MDN1: variants seen among roughly 807,000 people sequenced by gnomAD.
MDN1 encodes midasin.
In MDN1, 266 loss-of-function variants were observed where a neutral mutation model predicts 669.2. The ratio of observed to expected loss-of-function variants is 0.40; its 90% CI spans 0.36 to 0.44. The LOEUF (loss-of-function observed/expected upper bound fraction) is 0.44, where lower values mean the gene tolerates loss of function less well. Among genes scored for constraint, MDN1 ranks in the 20% least tolerant of loss-of-function variants. The pLI, the probability that MDN1 is intolerant of heterozygous loss-of-function variation, is 1.00. For synonymous variants in MDN1, 2,385 were observed against 2,457.1 expected (o/e 0.97, Z 0.87); for missense variants, 5,940 against 6,754.0 (o/e 0.88, Z 4.22).
At position 89,652,986 on chromosome 6, in the gene MDN1, T is replaced by C; in HGVS notation, c.15825+6A>G. The C allele has an allele frequency of 6.2e-7, 1 of 1,611,292 alleles. No homozygotes were observed. Among genetic ancestry groups the C allele is most frequent in the Non-Finnish European group, 8.5e-7 (1 of 1,179,270 alleles). On this transcript the variant is annotated splice_donor_region_variant and intron_variant, in intron 94 of 101. Transcript: ENST00000369393. ...TATTAATGCAGTAATTTGTGAGTTT[T>C]ACTACCTGGAAGATCGTGTCCATGA... is the stretch of plus-strand genomic sequence containing the variant.
intron 84 of MDN1, among the ~76,000 whole-genome samples, chr6:89,664,886 T>C (rs1167096523): frequency 2.6e-5 from 4 of 152,224 alleles, no homozygotes; most frequent in African/African-American, 7.2e-5. Context: ...TGCAAGAATA[T>C]ATATTCTTTG....
chr6:89,718,396 T>C lies in MDN1; in HGVS notation c.6553A>G (p.Asn2185Asp), dbSNP rs1814562609. Residue 2185 changes from asparagine to aspartate, a missense_variant, in exon 43 of 102, where the codon AAC becomes GAC. Around this residue, in one of 5 missense-constraint regions of MDN1, gnomAD observed 2,292 missense variants for 2,638.3 expected, o/e 0.87. Coordinates refer to ENST00000369393, the MANE Select transcript of MDN1 (RefSeq NM_014611.3). ...EAVLLLMQRL[N>D]NKINSYCKAE... The stretch of plus-strand genomic sequence containing the variant: ...TTGCAGTATGAGTTGATTTTATTGT[T>C]GAGTCGCTGCATAAGCAATAACACT... 1 of 1,613,940 alleles carries C rather than the reference T, an allele frequency of 6.2e-7. No homozygotes were observed. Among genetic ancestry groups the C allele is most frequent in the African/African-American group, 1.3e-5 (1 of 74,954 alleles).
At chr6:89,736,599 T>C (rs1815988465) in intron 33 of MDN1, among the ~76,000 whole-genome samples, 1 of 147,504 alleles carries the variant, frequency 6.8e-6, no homozygotes, top group Non-Finnish European at 1.5e-5. Flanking sequence ...CAGACTAGCC[T>C]GAGCAACATG....
intron 40 of MDN1, among the ~76,000 whole-genome samples, 174 bp downstream of exon 40, chr6:89,722,781 A>T (rs1365098802): frequency 6.6e-6 from 1 of 151,822 alleles, no homozygotes; most frequent in Non-Finnish European, 1.5e-5. Context: ...TGGGAGGTGA[A>T]GCTGCAGCAA....
intron 15 of MDN1, among the ~76,000 whole-genome samples, chr6:89,765,992 C>T (rs1449648960): frequency 6.6e-6 from 1 of 152,104 alleles, no homozygotes; most frequent in Non-Finnish European, 1.5e-5. Context: ...AGACTGAGTT[C>T]CTTAAAGAAA....
In MDN1 at chr6:89,678,725, T is replaced by C. The variant is rs142315697; in HGVS notation, c.12286A>G (p.Ser4096Gly). 1.3e-4 allele frequency: 204 copies of C among 1,612,420 alleles called. No individual in the cohort carries two copies. Among genetic ancestry groups the C allele is most frequent in the Non-Finnish European group, 1.6e-4 (184 of 1,179,428 alleles). ...QFTGEVISSV[S>G]ELQSLKVEPS... ...TCCACCTTTAAGCTCTGCAGCTCACTCACAGAGGAAATCACTTCACCTGTA... is the reference window on the plus strand; with the variant it reads ...TCCACCTTTAAGCTCTGCAGCTCACCCACAGAGGAAATCACTTCACCTGTA... The change falls in exon 75 of 102, where the codon AGT (serine) becomes GGT (glycine). Residue 4096 changes from serine to glycine, a missense_variant. Physicochemically the swap from Ser to Gly is moderately conservative, Grantham distance 56 (BLOSUM62 0). This residue lies in a region of MDN1 where 2,280 missense variants were observed against 2,576.3 expected (regional missense o/e 0.88). Transcript: ENST00000369393.
At chr6:89,729,608 C>G (rs1051526227) in intron 35 of MDN1, among the ~76,000 whole-genome samples, 6 of 150,452 alleles carry the variant, frequency 4.0e-5, no homozygotes, top group African/African-American at 7.3e-5. Context: ...ATATGCAGGA[C>G]TAATAACAGT....
chr6:89,817,515 A>G (rs1001467365), intron 1 of MDN1, among the ~76,000 whole-genome samples: 2 of 152,186 alleles, frequency 1.3e-5, no homozygotes. Context: ...AAAGTCAGAA[A>G]AGTCTTCCTG....
At chr6:89,648,006 G>C in intron 99 of MDN1, 26 bp downstream of exon 99, 2 of 1,527,056 alleles carry the variant, frequency 1.3e-6, no homozygotes, top group Non-Finnish European at 1.8e-6. Flanking sequence ...TAACTGTGCA[G>C]AAGACATTTT....
At chr6:89,788,407 A>T (rs759529755) in intron 7 of MDN1, among the ~76,000 whole-genome samples, 1 of 152,352 alleles carries the variant, frequency 6.6e-6, no homozygotes, top group South Asian at 2.1e-4. Context: ...AAGAAGAATG[A>T]GCAGAAATTA....
rs1257174167 is a variant in MDN1 at position 89,694,120 on chromosome 6, C to G, written c.9835G>C (p.Asp3279His). The G allele has an allele frequency of 3.1e-6, 5 of 1,614,236 alleles. No individual in the cohort carries two copies. Among genetic ancestry groups the G allele is most frequent in the Non-Finnish European group, 3.4e-6 (4 of 1,180,044 alleles). ...NLSSQLQTGRDLEDEVVVSYS... is the reference protein window; with the variant it reads ...NLSSQLQTGRHLEDEVVVSYS... ...CTGACAACGACTTCATCTTCCAGGT[C>G]TCTTCCAGTCTGCAGCTGGGATGAC... The change falls in exon 62 of 102, where the codon GAC becomes CAC. Residue 3279 changes from aspartate to histidine, a missense_variant. Transcript: ENST00000369393.
Position 89,658,807 on chromosome 6 carries a change from C to G in MDN1, c.14824G>C (p.Glu4942Gln), listed in dbSNP as rs751263423. The G allele has an allele frequency of 6.2e-7, 1 of 1,614,180 alleles. No individual in the cohort carries two copies. Among genetic ancestry groups the G allele is most frequent in the Non-Finnish European group, 8.5e-7 (1 of 1,180,038 alleles). Residue 4942 changes from glutamate (E) to glutamine (Q), a missense_variant, in exon 89 of 102, where the codon GAG becomes CAG. Physicochemically the swap from Glu to Gln is conservative, Grantham distance 29. Around this residue, in one of 5 missense-constraint regions of MDN1, gnomAD observed 2,280 missense variants for 2,576.3 expected, o/e 0.88. Coordinates refer to ENST00000369393, the MANE Select transcript of MDN1 (RefSeq NM_014611.3). Reference protein sequence around the residue: ...QNESQSPQEPEEGPSEDDKAE... With the variant: ...QNESQSPQEPQEGPSEDDKAE... ...TTGTCATCTTCACTGGGGCCTTCCT[C>G]AGGCTCCTGTGGACTCTGACTTTCG... is the stretch of plus-strand genomic sequence containing the variant.
chr6:89,785,759 A>T (rs1038688546), intron 8 of MDN1, among the ~76,000 whole-genome samples: 1 of 152,226 alleles, frequency 6.6e-6, no homozygotes, highest in African/African-American at 2.4e-5. Context: ...TTATCAGATC[A>T]CAAGTTTGTC....
intron 42 of MDN1, 38 bp from the exon 43 acceptor site, chr6:89,718,665 A>G (rs367761417): frequency 2.2e-4 from 360 of 1,609,232 alleles, no homozygotes; most frequent in Middle Eastern, 3.3e-4. Flanking sequence ...TCATAGGGTC[A>G]GAGAATACTG....
intron 92 of MDN1, 33 bp from the exon 93 acceptor site, chr6:89,654,367 T>C: frequency 6.2e-7 from 1 of 1,612,054 alleles, no homozygotes; most frequent in Non-Finnish European, 8.5e-7. Flanking sequence ...CACATAAAAA[T>C]CCTAGGTCTT....
chr6:89,715,760 C>A lies in MDN1; in HGVS notation c.6753G>T (p.Val2251=). Residue 2251 remains valine (V), a synonymous_variant, in exon 45 of 102, where the codon GTG becomes GTT. Transcript: ENST00000369393. The part of the protein sequence containing the change: ...MDNVNFCNPS[V]LDRLNALLEP... ...CAAGCAAAGCATTCAAACGATCCAA[C>A]ACTGATGGGCTGCAGAGACAGAATT... 6.2e-7 allele frequency: 1 copy of A among 1,607,092 alleles called. No individual in the cohort carries two copies. Among genetic ancestry groups the A allele is most frequent in the East Asian group, 2.2e-5 (1 of 44,828 alleles).
intron 66 of MDN1, among the ~76,000 whole-genome samples, 153 bp from the exon 67 acceptor site, chr6:89,688,326 T>C (rs1812158993): frequency 6.6e-6 from 1 of 152,104 alleles, no homozygotes; most frequent in African/African-American, 2.4e-5. Flanking sequence ...CAGCATTTTA[T>C]TATGTGGTCA....
At chr6:89,672,518 A>C (rs1194374036) in intron 81 of MDN1, 29 bp downstream of exon 81, 3 of 1,602,088 alleles carry the variant, frequency 1.9e-6, no homozygotes, top group Non-Finnish European at 2.6e-6. Flanking sequence ...TCAGGCATGA[A>C]ACTAATTTCT....
chr6:89,732,728 G>A lies in MDN1; in HGVS notation c.4771C>T (p.His1591Tyr), dbSNP rs754343755. Residue 1591 changes from histidine to tyrosine, a missense_variant, in exon 34 of 102, where the codon CAC becomes TAC. Physicochemically the swap from His to Tyr is moderately conservative, Grantham distance 83. This residue lies in a region of MDN1 where 2,292 missense variants were observed against 2,638.3 expected (regional missense o/e 0.87). Transcript: ENST00000369393. ...VMLDFIDWLTHQEFGRKCVVS... is the reference protein window; with the variant it reads ...VMLDFIDWLTYQEFGRKCVVS... ...ACACACTTTCTGCCAAACTCTTGGT[G>A]GGTCAGCCAGTCAATGAAATCCAGC... 8 of 1,614,036 alleles carry A rather than the reference G, an allele frequency of 5.0e-6. No individual in the cohort carries two copies. The East Asian group carries it at 1.8e-4, about 36-fold the overall frequency.
Sources: allele counts gnomAD v4.1 joint callset (sites outside exome capture counted in the v4.1 genomes callset), GRCh38; gene constraint gnomAD v4.1.1; regional missense constraint gnomAD v4.1.1; transcripts MANE v1.5; gene names NCBI Gene and HGNC (gene_info 2026-07-23, HGNC 2026-07-21).